The following NMRK1 variants were observed in gnomAD, a reference collection of about 807,000 sequenced individuals.
NMRK1 encodes the protein nicotinamide riboside kinase 1, also known as NRK 1.
Under a neutral mutation model 29.9 loss-of-function variants are expected in NMRK1, and 28 were observed. The ratio of observed to expected loss-of-function variants is 0.94; its 90% CI spans 0.69 to 1.28. NMRK1 has a LOEUF of 1.28. Ranked by LOEUF, NMRK1 falls within the 50% of genes most tolerant of loss-of-function variation. The pLI, the probability that NMRK1 is intolerant of heterozygous loss-of-function variation, is 0.00. For missense variants in NMRK1, 218 were observed against 233.1 expected (o/e 0.94, Z 0.42); for synonymous variants, 58 against 73.0 (o/e 0.79, Z 1.05).
rs1478079608 is a variant in NMRK1 at position 75,061,307 on chromosome 9, G to A, written c.*241C>T. ...GAAAGTGGAGACTTTCTGACTCACT[G>A]TGAGCTCTGCTGTATCTATGCGCTC... is the stretch of plus-strand genomic sequence containing the variant. On this transcript the variant is annotated 3_prime_UTR_variant, in exon 9 of 9. Coordinates refer to ENST00000361092, the MANE Select transcript of NMRK1 (RefSeq NM_017881.3). 5 of 433,576 alleles carry A rather than the reference G, an allele frequency of 1.2e-5. No homozygotes were observed. Among genetic ancestry groups the A allele is most frequent in the Non-Finnish European group, 2.0e-5 (5 of 244,830 alleles). The allele number at this position is 433,576 out of a possible 1,614,324, so 26.9% of individuals were successfully genotyped here.
intron 8 of NMRK1, among the ~76,000 whole-genome samples, chr9:75,064,337 A>G (rs551745999): frequency 6.6e-6 from 1 of 152,034 alleles, no homozygotes; most frequent in Admixed American, 6.6e-5. Flanking sequence ...CAGCTGAAAC[A>G]CTCCTGGAAG....
chr9:75,078,280 G>C, intron 2 of NMRK1: 1 of 1,551,012 alleles, frequency 6.4e-7, no homozygotes, highest in South Asian at 1.2e-5. Flanking sequence ...TTGCCTCAAG[G>C]CACAGTGGAA....
intron 1 of NMRK1, 29 bp from the exon 2 acceptor site, chr9:75,083,179 C>CAAATG: frequency 8.7e-7 from 1 of 1,144,240 alleles, no homozygotes; most frequent in Non-Finnish European, 1.3e-6. Context: ...ACAAACAAAT[C>CAAATG]AAATGCATTT....
At chr9:75,082,926 G>C in intron 2 of NMRK1, 161 bp downstream of exon 2, 2 of 606,258 alleles carry the variant, frequency 3.3e-6, no homozygotes, top group Non-Finnish European at 3.0e-6. Flanking sequence ...TCTCTTGTTG[G>C]CATTTATGAA....
chr9:75,076,507 A>G (rs1301229907), intron 4 of NMRK1, among the ~76,000 whole-genome samples: 2 of 152,252 alleles, frequency 1.3e-5, no homozygotes, highest in African/African-American at 2.4e-5. Context: ...TGGTAAAGAT[A>G]GTAAATTATA....
Position 75,061,437 on chromosome 9 carries a change from A to C in NMRK1, c.*111T>G. On this transcript the variant is annotated 3_prime_UTR_variant, in exon 9 of 9. Coordinates refer to ENST00000361092, the MANE Select transcript of NMRK1 (RefSeq NM_017881.3). ...ATGTGCAATAAAAATCAAACATATG[A>C]AACAATGGCTGTCATTGTACCACAG... 1.2e-6 allele frequency: 1 copy of C among 817,368 alleles called. No homozygotes were observed. Among genetic ancestry groups the C allele is most frequent in the South Asian group, 1.6e-5 (1 of 64,380 alleles). The allele number at this position is 817,368 out of a possible 1,614,324, so 50.6% of individuals were successfully genotyped here. A position where few individuals can be genotyped will look rare whatever the true frequency, so the allele number is the denominator to read the frequency against.
chr9:75,065,463 T>C (rs7039945), intron 8 of NMRK1, among the ~76,000 whole-genome samples: 137,706 of 152,198 alleles, frequency 0.9, 62,505 homozygotes, highest in East Asian at 1. Context: ...GCCACTGTGC[T>C]TGGTAGCTAA....
At chr9:75,064,862 G>A (rs1423942485) in intron 8 of NMRK1, among the ~76,000 whole-genome samples, 1 of 152,202 alleles carries the variant, frequency 6.6e-6, no homozygotes, top group Non-Finnish European at 1.5e-5. Context: ...CATTTTGCTG[G>A]TGTTAGCCAT....
chr9:75,084,352 T>C (rs190464115), intron 1 of NMRK1, among the ~76,000 whole-genome samples: 16 of 152,346 alleles, frequency 1.1e-4, no homozygotes, highest in Admixed American at 7.8e-4. Flanking sequence ...GGAGGGGTTA[T>C]GCAGAAAAAA....
chr9:75,086,147 C>T (rs1373297730), intron 1 of NMRK1, among the ~76,000 whole-genome samples: 1 of 151,834 alleles, frequency 6.6e-6, no homozygotes, highest in Non-Finnish European at 1.5e-5. Context: ...GGTGACACAG[C>T]GAGACCCTAT....
At chr9:75,077,056 T>A in intron 4 of NMRK1, 103 bp downstream of exon 4, 1 of 694,196 alleles carries the variant, frequency 1.4e-6, no homozygotes, top group Non-Finnish European at 2.5e-6. Context: ...TTTTTTTAAA[T>A]TTTTGTTCCA....
At chr9:75,075,736 A>T (rs1265421520) in intron 4 of NMRK1, among the ~76,000 whole-genome samples, 1 of 152,190 alleles carries the variant, frequency 6.6e-6, no homozygotes, top group Non-Finnish European at 1.5e-5. Flanking sequence ...CTGAACAGAG[A>T]AAAAAACAAA....
chr9:75,070,077 T>A, intron 4 of NMRK1, 35 bp from the exon 5 acceptor site: 1 of 1,577,420 alleles, frequency 6.3e-7, no homozygotes, highest in Admixed American at 1.9e-5. Context: ...GCAATCAATA[T>A]AGCACAAAAT....
At chr9:75,069,682 A>G in intron 6 of NMRK1, 60 bp downstream of exon 6, 1 of 1,370,684 alleles carries the variant, frequency 7.3e-7, no homozygotes, top group Non-Finnish European at 1.0e-6. Flanking sequence ...TGCTGTCCTC[A>G]TTTTTCTTCT....
At chr9:75,063,753 G>C (rs993067800) in intron 8 of NMRK1, among the ~76,000 whole-genome samples, 2 of 152,168 alleles carry the variant, frequency 1.3e-5, no homozygotes, top group African/African-American at 4.8e-5. Flanking sequence ...TCCCCAGCTA[G>C]CTCAGTGTGT....
chr9:75,078,650 A>AT, intron 2 of NMRK1: 1 of 815,190 alleles, frequency 1.2e-6, no homozygotes, highest in East Asian at 4.5e-5. Flanking sequence ...TTTTCATTGA[A>AT]TTCTGACAGA....
At chr9:75,086,922 T>TTTC (rs1368702538) in intron 1 of NMRK1, among the ~76,000 whole-genome samples, 1 of 151,820 alleles carries the variant, frequency 6.6e-6, no homozygotes. Context: ...TTTTTTTTTT[T>TTTC]TTAAGACAGA....
At chr9:75,081,073 AG>A (rs1824294241) in intron 2 of NMRK1, among the ~76,000 whole-genome samples, 1 of 152,232 alleles carries the variant, frequency 6.6e-6, no homozygotes, top group Non-Finnish European at 1.5e-5. Flanking sequence ...TTAAATTTCC[AG>A]GAAGTTCATG....
At chr9:75,079,260 C>T (rs17703051) in intron 2 of NMRK1, among the ~76,000 whole-genome samples, 7,297 of 152,204 alleles carry the variant, frequency 0.048, 217 homozygotes, top group Middle Eastern at 0.078. Flanking sequence ...TCTTTGAAAA[C>T]GATGAAAAGT....
Sources: allele counts gnomAD v4.1 joint callset (sites outside exome capture counted in the v4.1 genomes callset), GRCh38; gene constraint gnomAD v4.1.1; transcripts MANE v1.5; gene names NCBI Gene and HGNC (gene_info 2026-07-23, HGNC 2026-07-21).